HPS5: variants seen among roughly 807,000 people sequenced by gnomAD.
The protein encoded by HPS5 is BLOC-2 complex member HPS5.
In HPS5, 83 loss-of-function variants were observed where a neutral mutation model predicts 128.0. The observed-to-expected ratio is 0.65, with a 90% CI of 0.54 to 0.78. HPS5 has a LOEUF of 0.78. Ranked by LOEUF, HPS5 falls within the 30% of genes least tolerant of loss-of-function variation. The pLI, the probability that HPS5 is intolerant of heterozygous loss-of-function variation, is 0.00. For missense variants in HPS5, 1,281 were observed against 1,326.2 expected, an observed-to-expected ratio of 0.97 and a Z score of 0.53; for synonymous variants, 475 against 470.2, an observed-to-expected ratio of 1.01 and a Z score of -0.13.
At chr11:18,284,158 T>C (rs1392832610) in intron 20 of HPS5, among the ~76,000 whole-genome samples, 1 of 150,684 alleles carries the variant, frequency 6.6e-6, no homozygotes, top group African/African-American at 2.4e-5. Context: ...TAGATGACCC[T>C]GATCTAGGGA....
intron 9 of HPS5, among the ~76,000 whole-genome samples, chr11:18,300,496 A>G (rs879764752): frequency 1.3e-5 from 2 of 152,072 alleles, no homozygotes. Flanking sequence ...CAGGAATTCG[A>G]GACCAGCCTG....
rs1226615109 is a variant in HPS5, at chr11:18,309,775, T to G, written c.478-696A>C. Reference sequence around the variant, plus strand: ...CAGCACTTTGCGAGGGCAAGGTGATTGGATCACTTGAGCCCAGGAGTCCGA... The same window carrying G: ...CAGCACTTTGCGAGGGCAAGGTGATGGGATCACTTGAGCCCAGGAGTCCGA... On this transcript the variant is annotated intron_variant, in intron 5 of 22. Coordinates refer to ENST00000349215, the MANE Select transcript of HPS5 (RefSeq NM_181507.2). Among the ~76,000 whole-genome samples, 7 of 152,056 alleles carry G rather than the reference T, an allele frequency of 4.6e-5. No individual in the cohort carries two copies. In the East Asian group the frequency reaches 1.4e-3, roughly 29 times the overall value.
chr11:18,283,893 G>C lies in HPS5; in HGVS notation c.2960C>G (p.Pro987Arg). ...TDICRSCGFW[P>R]GYLILCLELE... ...CTCCAAACAGAGAATTAGATATCCA[G>C]GCCAGAAACTTTAAAGAGACCGAAG... is the stretch of plus-strand genomic sequence containing the variant. Residue 987 changes from proline to arginine, a missense_variant, in exon 21 of 23, where the codon CCT becomes CGT. Physicochemically the swap from Pro to Arg is moderately radical, Grantham distance 103. Transcript: ENST00000349215. 6.2e-7 allele frequency: 1 copy of C among 1,611,708 alleles called. No homozygotes were observed. The highest frequency in any genetic ancestry group is 8.5e-7 in the Non-Finnish European group (1 of 1,178,452).
chr11:18,311,215 G>C (rs2133856802), intron 4 of HPS5, among the ~76,000 whole-genome samples, 172 bp downstream of exon 4: 1 of 152,252 alleles, frequency 6.6e-6, no homozygotes, highest in South Asian at 2.1e-4. Context: ...AGGATGACCA[G>C]CTGTCCATTC....
intron 2 of HPS5, among the ~76,000 whole-genome samples, chr11:18,315,119 A>G (rs1003908513): frequency 4.6e-5 from 7 of 152,204 alleles, no homozygotes; most frequent in Admixed American, 1.3e-4. Flanking sequence ...TGACCTTAGT[A>G]TAACTACATG....
intron 2 of HPS5, among the ~76,000 whole-genome samples, chr11:18,313,331 G>A (rs1466859370): frequency 1.3e-5 from 2 of 152,188 alleles, no homozygotes; most frequent in Non-Finnish European, 1.5e-5. Flanking sequence ...CCACGCCTGG[G>A]GGCAATTGTT....
chr11:18,298,802 A>G lies in HPS5; in HGVS notation c.1154T>C (p.Ile385Thr). 1 of 1,614,160 alleles carries G rather than the reference A, an allele frequency of 6.2e-7. No homozygotes were observed. The highest frequency in any genetic ancestry group is 1.3e-5 in the African/African-American group (1 of 75,044). ...TAAGCTCTGACTCACTCTGCTGGCA[A>G]TGACAGAATTTTGGAAAAGACAGCA... ...RTCCLFQNSVIASRARKTLTA... is the reference protein window; with the variant it reads ...RTCCLFQNSVTASRARKTLTA... The change falls in exon 10 of 23, where the codon ATT becomes ACT. Residue 385 changes from isoleucine to threonine, a missense_variant. Coordinates refer to ENST00000349215, the MANE Select transcript of HPS5 (RefSeq NM_181507.2).
intron 17 of HPS5, 40 bp downstream of exon 17, chr11:18,287,853 T>G: frequency 2.5e-6 from 4 of 1,613,474 alleles, no homozygotes; most frequent in Middle Eastern, 3.3e-4. Flanking sequence ...AAAAAATGCA[T>G]GTGCTTTAGC....
rs1255144256 is a variant in HPS5 at position 18,317,778 on chromosome 11, G to C, written c.81C>G (p.Ala27=). The change falls in exon 2 of 23, where the codon GCC becomes GCG. Residue 27 remains alanine, a synonymous_variant. Transcript: ENST00000349215. ...TTAGACGACTGGAGTCCAGCCGCAG[G>C]GCTGAGAGTAATGGATCCAGAGATT... ...EFESLDPLLS[A]LRLDSSRLKC... 6.2e-7 allele frequency: 1 copy of C among 1,613,892 alleles called. No individual in the cohort carries two copies. The highest frequency in any genetic ancestry group is 8.5e-7 in the Non-Finnish European group (1 of 1,179,920).
rs1859063238 is a variant in HPS5 at position 18,282,162 on chromosome 11, C to T, written c.3117G>A (p.Lys1039=). Residue 1039 remains lysine (K), a synonymous_variant, in exon 22 of 23, where the codon AAG becomes AAA. Coordinates refer to ENST00000349215, the MANE Select transcript of HPS5 (RefSeq NM_181507.2). ...ACTCCTGGGGGGCTGGCCTCGTGCT[C>T]TTGCTCTGTATGAGATGAAGGAGAA... is the stretch of plus-strand genomic sequence containing the variant. ...WKLLLHLIQS[K]STRPAPQESL... 2 of 1,614,176 alleles carry T rather than the reference C, an allele frequency of 1.2e-6. No homozygotes were observed. The highest frequency in any genetic ancestry group is 1.7e-6 in the Non-Finnish European group (2 of 1,180,026).
rs549608140 is a variant in HPS5 at position 18,301,277 on chromosome 11, G to A, written c.897-361C>T. On this transcript the variant is annotated intron_variant, in intron 8 of 22. Coordinates refer to ENST00000349215, the MANE Select transcript of HPS5 (RefSeq NM_181507.2). ...TTGAGACTAGCCAGACCAACATGGT[G>A]AAACCCTGTCTCTATTAAAAATAGA... 9.2e-5 allele frequency among the ~76,000 whole-genome samples: 14 copies of A among 152,102 alleles called. No individual in the cohort carries two copies. The South Asian group carries it at 2.9e-3, about 32-fold the overall frequency.
chr11:18,293,805 G>A (rs1366311888), intron 14 of HPS5, among the ~76,000 whole-genome samples: 1 of 152,170 alleles, frequency 6.6e-6, no homozygotes, highest in Admixed American at 6.5e-5. Context: ...AGGTAGTGAA[G>A]TGTCAGTGTA....
Position 18,309,037 on chromosome 11 carries a change from T to C in HPS5, c.520A>G (p.Thr174Ala), listed in dbSNP as rs1162947347. ...AACTGTACAACACAGGAGTCAACAG[T>C]TGTGATTGTCTGAACAGGAAACATC... Reference protein sequence around the residue: ...FVMFPVQTITTVDSCVVQLDY... With the variant: ...FVMFPVQTITAVDSCVVQLDY... The change falls in exon 6 of 23, where the codon ACT becomes GCT. Residue 174 changes from threonine (T) to alanine (A), a missense_variant. Physicochemically the swap from Thr to Ala is moderately conservative, Grantham distance 58. Transcript: ENST00000349215. 4 of 1,613,870 alleles carry C rather than the reference T, an allele frequency of 2.5e-6. No homozygotes were observed. Among genetic ancestry groups the C allele is most frequent in the South Asian group, 1.1e-5 (1 of 91,080 alleles).
chr11:18,293,946 T>C (rs757401109), intron 14 of HPS5, among the ~76,000 whole-genome samples: 20 of 152,234 alleles, frequency 1.3e-4, no homozygotes, highest in Non-Finnish European at 2.6e-4. Flanking sequence ...TATAAACATA[T>C]GGATTCACTA....
chr11:18,318,981 CTTA>C (rs1345118145), intron 1 of HPS5, among the ~76,000 whole-genome samples: 1 of 151,836 alleles, frequency 6.6e-6, no homozygotes, highest in Non-Finnish European at 1.5e-5. Context: ...ATAACACAAT[CTTA>C]TTTTCTGCTA....
At chr11:18,321,650 T>C (rs187105833) in intron 1 of HPS5, among the ~76,000 whole-genome samples, 2 of 152,280 alleles carry the variant, frequency 1.3e-5, no homozygotes, top group East Asian at 1.9e-4. Flanking sequence ...TTTGCCCCAG[T>C]AGGTGCGTGG....
chr11:18,288,152 T>C (rs1859974994), intron 16 of HPS5, 139 bp from the exon 17 acceptor site: 1 of 830,286 alleles, frequency 1.2e-6, no homozygotes, highest in Non-Finnish European at 1.9e-6. Context: ...TATTAAGCAT[T>C]ACAAGAGAAA....
At position 18,282,059 on chromosome 11, in the gene HPS5, C is replaced by T; in HGVS notation, c.3220G>A (p.Gly1074Ser). Residue 1074 changes from glycine to serine, a missense_variant, in exon 22 of 23, where the codon GGC becomes AGC. Transcript: ENST00000349215. The stretch of plus-strand genomic sequence containing the variant: ...AGCAGTGACCAAGCCCGATCTGGGC[C>T]CATGGCCTTAGCTAACAGAAGTGCC... The part of the protein sequence containing the change: ...NVALLLAKAM[G>S]PDRAWSLLQE... The T allele has an allele frequency of 6.2e-7, 1 of 1,614,200 alleles. No homozygotes were observed. Among genetic ancestry groups the T allele is most frequent in the Non-Finnish European group, 8.5e-7 (1 of 1,180,040 alleles).
chr11:18,285,314 T>C, intron 20 of HPS5, 32 bp downstream of exon 20: 1 of 1,354,610 alleles, frequency 7.4e-7, no homozygotes. Flanking sequence ...GTTTCTAACC[T>C]TAACTTCAGT....
Sources: allele counts gnomAD v4.1 joint callset (sites outside exome capture counted in the v4.1 genomes callset), GRCh38; gene constraint gnomAD v4.1.1; transcripts MANE v1.5; gene names NCBI Gene and HGNC (gene_info 2026-07-23, HGNC 2026-07-21).